The following ERC2 variants were observed in gnomAD, a reference collection of about 807,000 sequenced individuals.
The protein encoded by ERC2 is ELKS/RAB6-interacting/CAST family member 2.
Under a neutral mutation model 114.8 loss-of-function variants are expected in ERC2, and 42 were observed. The observed-to-expected ratio is 0.37, with a 90% confidence interval of 0.29 to 0.47. ERC2 has a LOEUF of 0.47. ERC2 is among the 20% of genes least tolerant of loss of function. ERC2 has a pLI of 0.99. For synonymous variants in ERC2, 454 were observed against 425.5 expected (o/e 1.07, Z -0.82); for missense variants, 939 against 1,150.7 (o/e 0.82, Z 2.66).
intron 3 of ERC2, among the ~76,000 whole-genome samples, chr3:56,268,821 A>G (rs1474538572): frequency 1.3e-5 from 2 of 152,182 alleles, no homozygotes; most frequent in African/African-American, 4.8e-5. Flanking sequence ...TACAAGTTCT[A>G]ATTTTCACCA....
At chr3:56,134,144 T>C (rs1377100918) in intron 6 of ERC2, among the ~76,000 whole-genome samples, 2 of 152,220 alleles carry the variant, frequency 1.3e-5, no homozygotes, top group Non-Finnish European at 2.9e-5. Flanking sequence ...TTATAAGAGA[T>C]ACAAATAGAC....
intron 3 of ERC2, among the ~76,000 whole-genome samples, chr3:56,235,066 G>A (rs1044867100): frequency 6.6e-6 from 1 of 152,134 alleles, no homozygotes; most frequent in Non-Finnish European, 1.5e-5. Flanking sequence ...GATCTCTTTA[G>A]GGTTTATGGT....
chr3:55,767,678 G>A (rs2067905247), intron 14 of ERC2, among the ~76,000 whole-genome samples: 2 of 152,150 alleles, frequency 1.3e-5, no homozygotes, highest in African/African-American at 4.8e-5. Flanking sequence ...CTGCTCTGTA[G>A]GTGATGTTCT....
chr3:56,349,207 G>T (rs1158630749), intron 2 of ERC2, among the ~76,000 whole-genome samples: 51 of 152,112 alleles, frequency 3.4e-4, no homozygotes, highest in Non-Finnish European at 1.5e-5. Context: ...GAGCAGGCCT[G>T]GTGTACACAC....
intron 13 of ERC2, among the ~76,000 whole-genome samples, chr3:55,943,532 T>C (rs1369917305): frequency 6.6e-6 from 1 of 151,312 alleles, no homozygotes; most frequent in Admixed American, 6.6e-5. Context: ...TTTTGGTACC[T>C]CCTTAAGGCT....
chr3:55,691,608 T>C (rs146301610), intron 16 of ERC2, among the ~76,000 whole-genome samples: 22 of 129,762 alleles, frequency 1.7e-4, no homozygotes, highest in African/African-American at 2.0e-4. Flanking sequence ...ATATACTGTC[T>C]CTTATCTGGG....
chr3:55,764,389 G>A (rs566341174), intron 14 of ERC2, among the ~76,000 whole-genome samples: 7 of 152,196 alleles, frequency 4.6e-5, no homozygotes, highest in Admixed American at 2.6e-4. Flanking sequence ...CACTTGCATC[G>A]CATTTACTTA....
intron 1 of ERC2, among the ~76,000 whole-genome samples, chr3:56,443,244 T>C (rs1195712408): frequency 1.3e-5 from 2 of 152,256 alleles, no homozygotes; most frequent in Non-Finnish European, 2.9e-5. Context: ...CAAGAGATTA[T>C]GTTCAATTCC....
chr3:56,010,813 G>A (rs1180672352), intron 8 of ERC2, among the ~76,000 whole-genome samples: 1 of 152,118 alleles, frequency 6.6e-6, no homozygotes, highest in Non-Finnish European at 1.5e-5. Context: ...AATATCACAG[G>A]GTTGCAAAGG....
chr3:56,122,650 G>T (rs1191199089), intron 6 of ERC2, among the ~76,000 whole-genome samples: 1 of 152,164 alleles, frequency 6.6e-6, no homozygotes, highest in Non-Finnish European at 1.5e-5. Flanking sequence ...GAGGGCTTAT[G>T]AGGGATCACA....
intron 14 of ERC2, among the ~76,000 whole-genome samples, chr3:55,789,942 A>C (rs932345570): frequency 2.0e-5 from 3 of 152,166 alleles, no homozygotes; most frequent in African/African-American, 7.2e-5. Context: ...GGACAGATGT[A>C]AGGCCACGAC....
intron 7 of ERC2, among the ~76,000 whole-genome samples, chr3:56,043,019 A>T (rs2075276593): frequency 6.6e-6 from 1 of 152,208 alleles, no homozygotes; most frequent in Non-Finnish European, 1.5e-5. Context: ...ATAAGTGATT[A>T]CTGTAGGCAA....
chr3:55,586,879 T>A (rs1294658207), intron 17 of ERC2, among the ~76,000 whole-genome samples: 1 of 152,244 alleles, frequency 6.6e-6, no homozygotes, highest in Non-Finnish European at 1.5e-5. Context: ...CATTTTGCCA[T>A]ATTTTCCTCA....
chr3:56,108,231 C>T (rs2078773374), intron 6 of ERC2, among the ~76,000 whole-genome samples: 1 of 152,124 alleles, frequency 6.6e-6, no homozygotes, highest in Non-Finnish European at 1.5e-5. Flanking sequence ...TGGAAGCTCT[C>T]TCAACATGAG....
At chr3:55,996,710 T>C (rs2071543275) in intron 10 of ERC2, among the ~76,000 whole-genome samples, 1 of 152,142 alleles carries the variant, frequency 6.6e-6, no homozygotes, top group African/African-American at 2.4e-5. Context: ...GCCTCTGGGT[T>C]TTGATGTGAA....
chr3:55,687,533 GC>G (rs1351109861), intron 16 of ERC2, among the ~76,000 whole-genome samples: 1 of 152,124 alleles, frequency 6.6e-6, no homozygotes, highest in East Asian at 1.9e-4. Flanking sequence ...CTTTCAAATA[GC>G]CTACTGCCTT....
At chr3:55,575,336 T>C (rs1037980660) in intron 17 of ERC2, among the ~76,000 whole-genome samples, 3 of 152,132 alleles carry the variant, frequency 2.0e-5, no homozygotes, top group Admixed American at 6.6e-5. Context: ...AGAGGTGCAC[T>C]TTCCCACCCT....
chr3:55,612,427 C>G (rs1575768215), intron 17 of ERC2, among the ~76,000 whole-genome samples: 1 of 152,260 alleles, frequency 6.6e-6, no homozygotes, highest in East Asian at 1.9e-4. Context: ...CCCAGGTAAG[C>G]CTTATTCCCA....
intron 15 of ERC2, among the ~76,000 whole-genome samples, chr3:55,701,717 G>C (rs1481070961): frequency 1.3e-5 from 2 of 152,188 alleles, no homozygotes; most frequent in East Asian, 3.8e-4. Flanking sequence ...TTGTGAGAAA[G>C]AGCAGGTCAG....
Sources: allele counts gnomAD v4.1 joint callset (sites outside exome capture counted in the v4.1 genomes callset), GRCh38; gene constraint gnomAD v4.1.1; transcripts MANE v1.5; gene names NCBI Gene and HGNC (gene_info 2026-07-23, HGNC 2026-07-21).